The following CDK6 variants were observed in gnomAD, a reference collection of about 807,000 sequenced individuals.
CDK6 encodes the protein cyclin dependent kinase 6, also known as cyclin-dependent kinase 6.
CDK6 carries 6 observed loss-of-function variants against 37.1 expected under a neutral mutation model. That is an observed-to-expected ratio of 0.16 (90% CI 0.09 to 0.32). The LOEUF is 0.32. Ranked by LOEUF, CDK6 falls within the 10% of genes least tolerant of loss-of-function variation. The probability of loss-of-function intolerance (pLI) is 1.00; values close to 1 mark genes in which losing one functional copy is unlikely to be tolerated. For synonymous variants in CDK6, 160 were observed against 161.3 expected (o/e 0.99, Z 0.06); for missense variants, 224 against 418.9 (o/e 0.53, Z 4.06).
rs575288630 is a variant in CDK6, at chr7:92,611,580, G to T, written c.*3560C>A. The T allele has an allele frequency of 4.4e-6, 1 of 228,694 alleles. No homozygotes were observed. Among genetic ancestry groups the T allele is most frequent in the East Asian group, 6.3e-5 (1 of 15,804 alleles). The allele number at this position is 228,694 out of a possible 1,614,324, so 14.2% of individuals were successfully genotyped here. A position where few individuals can be genotyped will look rare whatever the true frequency, so the allele number is the denominator to read the frequency against. ...TTAATAGGCACCACTTGTAAAAGAA[G>T]CAGCTACAGTTTCTTAAACACTCAC... On this transcript the variant is annotated 3_prime_UTR_variant, in exon 8 of 8. Coordinates refer to ENST00000424848, the MANE Select transcript of CDK6 (RefSeq NM_001145306.2).
At chr7:92,644,234 G>A (rs1796387416) in intron 5 of CDK6, among the ~76,000 whole-genome samples, 1 of 152,168 alleles carries the variant, frequency 6.6e-6, no homozygotes, top group African/African-American at 2.4e-5. Context: ...TCTTAAGGCA[G>A]GAAGGGGAGA....
chr7:92,723,226 G>A (rs1798409448), intron 4 of CDK6, among the ~76,000 whole-genome samples: 1 of 152,116 alleles, frequency 6.6e-6, no homozygotes, highest in East Asian at 1.9e-4. Flanking sequence ...GAAACAGAGA[G>A]GAAAAAGAAA....
rs1795575467 is a variant in CDK6 at position 92,612,110 on chromosome 7, T to C, written c.*3030A>G. ...CTAAATGGACAAGTTTCTCTTTTTCTCTTTTTATATGTAGGTTGTTTTGAC... is the reference window on the plus strand; with the variant it reads ...CTAAATGGACAAGTTTCTCTTTTTCCCTTTTTATATGTAGGTTGTTTTGAC... On this transcript the variant is annotated 3_prime_UTR_variant, in exon 8 of 8. Transcript: ENST00000424848. 1 of 233,046 alleles carries C rather than the reference T, an allele frequency of 4.3e-6. No individual in the cohort carries two copies. Among genetic ancestry groups the C allele is most frequent in the East Asian group, 6.0e-5 (1 of 16,550 alleles). The allele number at this position is 233,046 out of a possible 1,614,324, so 14.4% of individuals were successfully genotyped here.
In CDK6 at chr7:92,613,508, A is replaced by G. The variant is rs1371368015; in HGVS notation, c.*1632T>C. The G allele has an allele frequency of 4.3e-6, 1 of 233,578 alleles. No homozygotes were observed. Among genetic ancestry groups the G allele is most frequent in the Non-Finnish European group, 8.5e-6 (1 of 118,044 alleles). 14.5% of individuals were successfully genotyped at this position (233,578 alleles called of 1,614,324 possible). A position where few individuals can be genotyped will look rare whatever the true frequency, so the allele number is the denominator to read the frequency against. ...TTATAAGGCAGAGATGGTATGAAAT[A>G]TAAAGGACTGTAGAGAAAACAGTAA... On this transcript the variant is annotated 3_prime_UTR_variant, in exon 8 of 8. Transcript: ENST00000424848.
intron 3 of CDK6, among the ~76,000 whole-genome samples, chr7:92,769,878 T>C (rs1022475244): frequency 2.0e-5 from 3 of 152,278 alleles, no homozygotes; most frequent in South Asian, 2.1e-4. Flanking sequence ...TGTTTTTTTT[T>C]CTCATAAAGC....
intron 5 of CDK6, among the ~76,000 whole-genome samples, chr7:92,660,838 T>C (rs1326723875): frequency 6.6e-6 from 1 of 152,084 alleles, no homozygotes; most frequent in Non-Finnish European, 1.5e-5. Context: ...TAAGAGAAGC[T>C]GGTTAGATGG....
chr7:92,808,682 T>C (rs1214699643), intron 2 of CDK6, among the ~76,000 whole-genome samples: 1 of 152,222 alleles, frequency 6.6e-6, no homozygotes, highest in African/African-American at 2.4e-5. Context: ...TGGAATGAAA[T>C]TCTTCATGTG....
chr7:92,665,238 T>C (rs1796930151), intron 5 of CDK6, among the ~76,000 whole-genome samples: 1 of 151,994 alleles, frequency 6.6e-6, no homozygotes, highest in Admixed American at 6.6e-5. Flanking sequence ...TGCTGTATAG[T>C]TAAAAATCAA....
intron 3 of CDK6, among the ~76,000 whole-genome samples, chr7:92,768,252 A>G (rs1315664386): frequency 1.3e-5 from 2 of 152,204 alleles, no homozygotes; most frequent in Non-Finnish European, 2.9e-5. Flanking sequence ...CAAAAAGAAA[A>G]TAAACTGGGA....
chr7:92,706,224 T>C (rs549311333), intron 4 of CDK6, among the ~76,000 whole-genome samples: 9 of 152,298 alleles, frequency 5.9e-5, no homozygotes, highest in Non-Finnish European at 1.3e-4. Context: ...AATGGCTCAG[T>C]ACAGAAATAA....
At chr7:92,771,177 A>G (rs551186495) in intron 3 of CDK6, among the ~76,000 whole-genome samples, 2 of 151,368 alleles carry the variant, frequency 1.3e-5, no homozygotes, top group Non-Finnish European at 2.9e-5. Context: ...TGGAGGTTGC[A>G]GTGAGTTGAG....
chr7:92,707,678 T>C (rs1157647439), intron 4 of CDK6, among the ~76,000 whole-genome samples: 4 of 152,212 alleles, frequency 2.6e-5, no homozygotes, highest in Admixed American at 1.3e-4. Context: ...TGATGAGATA[T>C]AGAAAACGTG....
intron 3 of CDK6, among the ~76,000 whole-genome samples, chr7:92,729,664 A>G (rs982240975): frequency 6.6e-6 from 1 of 152,158 alleles, no homozygotes; most frequent in African/African-American, 2.4e-5. Flanking sequence ...TAATCCTCTT[A>G]TTTAAAATCA....
intron 4 of CDK6, among the ~76,000 whole-genome samples, chr7:92,723,167 C>T (rs1798407599): frequency 6.6e-6 from 1 of 152,140 alleles, no homozygotes; most frequent in Non-Finnish European, 1.5e-5. Flanking sequence ...CAGAGTGAAA[C>T]TCTGTCTCAA....
Position 92,706,036 on chromosome 7 carries a change from T to C in CDK6, c.537+19590A>G, listed in dbSNP as rs370060025. Among the ~76,000 whole-genome samples, 75 of 152,366 alleles carry C rather than the reference T, an allele frequency of 4.9e-4. No homozygotes were observed. The South Asian group carries it at 0.015, about 31-fold the overall frequency. ...GTTAATAGCTGAAAGAGTTCTTATA[T>C]GACACATCTTAAGCAGACTATGTGA... On this transcript the variant is annotated intron_variant, in intron 4 of 7. Transcript: ENST00000424848.
intron 4 of CDK6, among the ~76,000 whole-genome samples, chr7:92,682,519 T>C (rs980379804): frequency 6.6e-6 from 1 of 152,234 alleles, no homozygotes; most frequent in African/African-American, 2.4e-5. Flanking sequence ...ATCTCAATCA[T>C]TGTATCCTTA....
intron 5 of CDK6, among the ~76,000 whole-genome samples, chr7:92,651,630 T>A (rs1286554633): frequency 6.6e-6 from 1 of 152,134 alleles, no homozygotes; most frequent in Non-Finnish European, 1.5e-5. Context: ...TTTGTGCAAG[T>A]GGTAGCTGGA....
chr7:92,654,638 T>C (rs1416598555), intron 5 of CDK6, among the ~76,000 whole-genome samples: 1 of 152,086 alleles, frequency 6.6e-6, no homozygotes, highest in Non-Finnish European at 1.5e-5. Context: ...TTGAAGCGTC[T>C]TACCCGAGAG....
intron 3 of CDK6, among the ~76,000 whole-genome samples, chr7:92,766,682 A>G (rs1799589761): frequency 6.6e-6 from 1 of 152,258 alleles, no homozygotes; most frequent in African/African-American, 2.4e-5. Context: ...GGCTAAATTT[A>G]GATGAGAAAT....
Sources: allele counts gnomAD v4.1 joint callset (sites outside exome capture counted in the v4.1 genomes callset), GRCh38; gene constraint gnomAD v4.1.1; transcripts MANE v1.5; gene names NCBI Gene and HGNC (gene_info 2026-07-23, HGNC 2026-07-21).